Variants in SCD5 observed in about 807,000 individuals in gnomAD.
SCD5 encodes the protein acyl-CoA-desaturase 4.
A neutral mutation model predicts 30.4 loss-of-function variants in SCD5; 20 were observed. The observed-to-expected ratio is 0.66, with a 90% CI of 0.46 to 0.96. The LOEUF (loss-of-function observed/expected upper bound fraction) is 0.96. Among genes scored for constraint, SCD5 ranks in the 40% least tolerant of loss-of-function variants. The probability of loss-of-function intolerance (pLI) is 0.00; values close to 1 mark genes in which losing one functional copy is unlikely to be tolerated. For synonymous variants in SCD5, 173 were observed against 176.4 expected (o/e 0.98, Z 0.16); for missense variants, 381 against 443.3 (o/e 0.86, Z 1.26).
In SCD5 at chr4:82,630,633, T is replaced by C. The variant is rs1405420354; in HGVS notation, c.*694A>G. 6.6e-6 allele frequency: 1 copy of C among 152,220 alleles called. No individual in the cohort carries two copies. Among genetic ancestry groups the C allele is most frequent in the Non-Finnish European group, 1.5e-5 (1 of 68,036 alleles). The allele number at this position is 152,220 out of a possible 1,614,324, so 9.4% of individuals were successfully genotyped here. A position where few individuals can be genotyped will look rare whatever the true frequency, so the allele number is the denominator to read the frequency against. ...ATTAAATCACATGTCCACACTCTAA[T>C]GTTAAATCGTAGTAATATTGACTTG... On this transcript the variant is annotated 3_prime_UTR_variant, in exon 5 of 5. Coordinates refer to ENST00000319540, the MANE Select transcript of SCD5 (RefSeq NM_001037582.3).
At chr4:82,747,474 A>G (rs1399058318) in intron 1 of SCD5, among the ~76,000 whole-genome samples, 2 of 152,216 alleles carry the variant, frequency 1.3e-5, no homozygotes, top group Non-Finnish European at 2.9e-5. Context: ...TTCCAGCTCT[A>G]CCACATATTA....
chr4:82,710,351 C>T (rs552488176), intron 1 of SCD5, among the ~76,000 whole-genome samples: 1 of 152,250 alleles, frequency 6.6e-6, no homozygotes, highest in South Asian at 2.1e-4. Flanking sequence ...CATGGGGCCT[C>T]AGTAAATGCA....
intron 3 of SCD5, among the ~76,000 whole-genome samples, chr4:82,671,042 G>A (rs1172461715): frequency 1.3e-5 from 2 of 152,004 alleles, no homozygotes; most frequent in African/African-American, 4.8e-5. Flanking sequence ...CTAAACGAAT[G>A]GAGAAAGATA....
At chr4:82,641,253 CAAAAAAAAAAAAAAA>C (rs10708492) in intron 3 of SCD5, among the ~76,000 whole-genome samples, 11 of 52,194 alleles carry the variant, frequency 2.1e-4, no homozygotes, top group East Asian at 1.4e-3. Context: ...AACTCCATCT[CAAAAAAAAAAAAAAA>C]AAAAAAAAAA....
In SCD5 at chr4:82,788,195, C is replaced by A. The variant is rs1314450990; in HGVS notation, c.232+10111G>T. On this transcript the variant is annotated intron_variant, in intron 1 of 4. Transcript: ENST00000319540. ...CTACCGATGCATTGTTCATGGACTT[C>A]CCAGCCTCCAGAACTCAGAAATAAA... Among the ~76,000 whole-genome samples the A allele has an allele frequency of 2.2e-4, 34 of 152,186 alleles. 1 individual carries two copies. The highest frequency in any genetic ancestry group is 2.2e-3 in the Admixed American group (34 of 15,280).
intron 3 of SCD5, among the ~76,000 whole-genome samples, chr4:82,664,995 C>CTATA (rs779503303): frequency 4.1e-3 from 341 of 83,190 alleles, no homozygotes; most frequent in Middle Eastern, 5.7e-3. Flanking sequence ...CTCTCTCTCT[C>CTATA]TCTCTATATA....
intron 3 of SCD5, among the ~76,000 whole-genome samples, chr4:82,647,890 G>T (rs1727664736): frequency 6.6e-6 from 1 of 152,118 alleles, no homozygotes; most frequent in Non-Finnish European, 1.5e-5. Context: ...TACATAAATT[G>T]TATATGGAAA....
intron 3 of SCD5, among the ~76,000 whole-genome samples, chr4:82,654,008 C>A (rs1005993031): frequency 6.6e-6 from 1 of 152,058 alleles, no homozygotes; most frequent in East Asian, 1.9e-4. Context: ...GCTTCTGTCT[C>A]CCAGGTTCAA....
chr4:82,687,562 G>A (rs1054347086), intron 2 of SCD5, among the ~76,000 whole-genome samples: 3 of 151,998 alleles, frequency 2.0e-5, no homozygotes, highest in East Asian at 1.9e-4. Flanking sequence ...CTTTATTCTC[G>A]TTAGCAACTA....
intron 1 of SCD5, among the ~76,000 whole-genome samples, chr4:82,745,498 T>C (rs1258714085): frequency 6.6e-6 from 1 of 152,106 alleles, no homozygotes; most frequent in East Asian, 1.9e-4. Flanking sequence ...TCTAACCCAA[T>C]GTTTGTTTGT....
chr4:82,648,997 AT>A (rs778128272), intron 3 of SCD5, among the ~76,000 whole-genome samples: 2 of 152,144 alleles, frequency 1.3e-5, no homozygotes, highest in Non-Finnish European at 2.9e-5. Flanking sequence ...GTGTCTAATA[AT>A]GGTTCTCTTT....
chr4:82,672,575 C>T (rs937972161), intron 3 of SCD5, among the ~76,000 whole-genome samples: 2 of 151,920 alleles, frequency 1.3e-5, no homozygotes, highest in Non-Finnish European at 2.9e-5. Flanking sequence ...AGAACCAGGC[C>T]AAGATGGTTC....
chr4:82,691,260 A>T (rs1040651508), intron 2 of SCD5, among the ~76,000 whole-genome samples: 2 of 152,164 alleles, frequency 1.3e-5, no homozygotes, highest in African/African-American at 4.8e-5. Context: ...TCCTGACCTC[A>T]GGTGATCCAC....
Position 82,728,275 on chromosome 4 carries a change from C to T in SCD5, c.233-22862G>A, listed in dbSNP as rs182580132. ...AGCTACCCTTGGTCATTCCTGGCTA[C>T]GTGTAGGCCAAGCTAAGTTTGGGAG... On this transcript the variant is annotated intron_variant, in intron 1 of 4. Coordinates refer to ENST00000319540, the MANE Select transcript of SCD5 (RefSeq NM_001037582.3). Among the ~76,000 whole-genome samples, 36 of 152,212 alleles carry T rather than the reference C, an allele frequency of 2.4e-4. 1 individual carries two copies. Among genetic ancestry groups the T allele is most frequent in the African/African-American group, 7.5e-4 (31 of 41,524 alleles).
At chr4:82,732,333 G>T (rs531131076) in intron 1 of SCD5, among the ~76,000 whole-genome samples, 6 of 152,206 alleles carry the variant, frequency 3.9e-5, no homozygotes, top group Admixed American at 2.6e-4. Flanking sequence ...CAAGTGATCC[G>T]CCTACCTTGG....
chr4:82,707,202 A>C (rs1719988673), intron 1 of SCD5, among the ~76,000 whole-genome samples: 1 of 152,242 alleles, frequency 6.6e-6, no homozygotes, highest in Admixed American at 6.5e-5. Context: ...GTAATGCCAA[A>C]TACTTTACCA....
intron 1 of SCD5, among the ~76,000 whole-genome samples, chr4:82,720,917 C>T (rs1298401636): frequency 1.3e-5 from 2 of 152,308 alleles, no homozygotes; most frequent in East Asian, 1.9e-4. Context: ...TTCAGGACGC[C>T]GAGGTGAGGG....
rs1721390898 is a variant in SCD5, at chr4:82,762,262, T to TA, written c.232+36043_232+36044insT. ...AGAGACCTTACACTCAAGGGGCTAA[T>TA]TTTTTTTTTAGATGGAGTCTCACTC... On this transcript the variant is annotated intron_variant, in intron 1 of 4. Transcript: ENST00000319540. 0.019 allele frequency among the ~76,000 whole-genome samples: 3 copies of TA among 158 alleles called. No homozygotes were observed. In the South Asian group the frequency reaches 0.38, roughly 20 times the overall value. 0.1% of individuals were successfully genotyped at this position (158 alleles called of 152,430 possible).
rs1048154323 is a variant in SCD5 at position 82,764,204 on chromosome 4, C to T, written c.232+34102G>A. ...TTAATAAAATTAAAAATTCAGTTCA[C>T]GAGCCACATTTCAAGTGCTCAAGAG... On this transcript the variant is annotated intron_variant, in intron 1 of 4. Transcript: ENST00000319540. 1.8e-4 allele frequency among the ~76,000 whole-genome samples: 27 copies of T among 152,104 alleles called. No homozygotes were observed. In the South Asian group the frequency reaches 3.5e-3, roughly 20 times the overall value.
Sources: gnomAD v4.1 joint callset for allele counts (sites outside exome capture counted in the v4.1 genomes callset) on GRCh38, gnomAD v4.1.1 for gene constraint, MANE v1.5 for transcripts, NCBI Gene and HGNC (gene_info 2026-07-23, HGNC 2026-07-21) for gene names.